The following OCA2 variants were observed in gnomAD, a reference collection of about 807,000 sequenced individuals.
OCA2 encodes the protein P protein.
In OCA2, 77 loss-of-function variants were observed where a neutral mutation model predicts 100.2. That is an observed-to-expected ratio of 0.77 (90% CI 0.64 to 0.93). OCA2 has a LOEUF of 0.93. Among genes scored for constraint, OCA2 ranks in the 40% least tolerant of loss-of-function variants. The probability of loss-of-function intolerance (pLI) is 0.00; values close to 1 mark genes in which losing one functional copy is unlikely to be tolerated. For missense variants in OCA2, 1,062 were observed against 1,089.1 expected (o/e 0.98, Z 0.35); for synonymous variants, 432 against 439.2 (o/e 0.98, Z 0.21).
intron 23 of OCA2, among the ~76,000 whole-genome samples, chr15:27,798,716 T>C (rs932463765): frequency 5.9e-5 from 9 of 152,186 alleles, no homozygotes; most frequent in African/African-American, 2.2e-4. Context: ...CGTTAATTAA[T>C]TATTACACAA....
chr15:27,841,589 C>T (rs915521041), intron 23 of OCA2, among the ~76,000 whole-genome samples: 3 of 152,112 alleles, frequency 2.0e-5, no homozygotes, highest in African/African-American at 7.2e-5. Context: ...TCCATTTTGA[C>T]TATAGAATAT....
At chr15:28,084,720 G>C (rs1003097273) in intron 1 of OCA2, among the ~76,000 whole-genome samples, 1 of 152,144 alleles carries the variant, frequency 6.6e-6, no homozygotes, top group African/African-American at 2.4e-5. Flanking sequence ...GCATGACTCA[G>C]GGCTGCAGCT....
chr15:27,845,047 C>T lies in OCA2; in HGVS notation c.2344G>A (p.Gly782Arg), dbSNP rs797045839. The stretch of plus-strand genomic sequence containing the variant: ...TTTGCCGACGCGCCAATCAGTGTCC[C>T]GTTACCTAAAGTCAAAATTTAAAAA... Reference protein sequence around the residue: ...LAFGACLGGNGTLIGASANVV... With the variant: ...LAFGACLGGNRTLIGASANVV... Residue 782 changes from glycine to arginine, a missense_variant, in exon 23 of 24, where the codon GGG becomes AGG. Coordinates refer to ENST00000354638, the MANE Select transcript of OCA2 (RefSeq NM_000275.3). The T allele has an allele frequency of 2.5e-6, 4 of 1,613,218 alleles. No homozygotes were observed. The African/African-American group carries it at 4.0e-5, about 16-fold the overall frequency.
At chr15:27,828,785 G>GGGTCTGGGAGCTCCTGAAGGGTC (rs2034831409) in intron 23 of OCA2, among the ~76,000 whole-genome samples, 1 of 152,176 alleles carries the variant, frequency 6.6e-6, no homozygotes, top group African/African-American at 2.4e-5. Flanking sequence ...GCAAGTGATA[G>GGGTCTGGGAGCTCCTGAAGGGTC]GGTCTGGGAG....
At chr15:27,777,307 C>T (rs930196289) in intron 23 of OCA2, among the ~76,000 whole-genome samples, 4 of 152,084 alleles carry the variant, frequency 2.6e-5, no homozygotes, top group East Asian at 3.9e-4. Context: ...CAGAAAAAAA[C>T]GCTAGAGCAA....
intron 23 of OCA2, among the ~76,000 whole-genome samples, chr15:27,823,539 G>A (rs527287850): frequency 6.6e-6 from 1 of 152,180 alleles, no homozygotes; most frequent in African/African-American, 2.4e-5. Flanking sequence ...AAAACAACCA[G>A]CTGACACAGG....
intron 4 of OCA2, among the ~76,000 whole-genome samples, 160 bp from the exon 5 acceptor site, chr15:28,025,062 A>G (rs1378203331): frequency 6.6e-6 from 1 of 152,204 alleles, no homozygotes; most frequent in Non-Finnish European, 1.5e-5. Context: ...ATCAGTGACC[A>G]GTAAACCCAC....
intron 9 of OCA2, among the ~76,000 whole-genome samples, chr15:28,006,604 T>C (rs1013146198): frequency 6.6e-6 from 1 of 152,200 alleles, no homozygotes; most frequent in African/African-American, 2.4e-5. Context: ...TATTACATAA[T>C]CCACCAGTTT....
chr15:27,871,804 T>C, intron 20 of OCA2, 59 bp downstream of exon 20: 2 of 1,248,030 alleles, frequency 1.6e-6, no homozygotes. Flanking sequence ...TTTTTTAATT[T>C]TTTTCACAAA....
chr15:28,052,939 C>G (rs2043561545), intron 2 of OCA2, among the ~76,000 whole-genome samples: 2 of 152,096 alleles, frequency 1.3e-5, no homozygotes. Flanking sequence ...AAGGTGAAGA[C>G]CGTAGAAGCA....
intron 5 of OCA2, 118 bp from the exon 6 acceptor site, chr15:28,022,691 C>T (rs938497916): frequency 7.9e-5 from 59 of 746,828 alleles, no homozygotes; most frequent in Middle Eastern, 4.5e-4. Flanking sequence ...GCATCCAGTA[C>T]GCGCCAGCTT....
chr15:27,725,319 A>G, the OCA2 span, among the ~76,000 whole-genome samples: 13,757 of 152,200 alleles, frequency 0.09, 2,139 homozygotes, highest in African/African-American at 0.31. Context: ...GCTCACGCCT[A>G]TAATCCCAGC....
intron 23 of OCA2, among the ~76,000 whole-genome samples, chr15:27,830,443 TTAAAA>T (rs1159868742): frequency 4.6e-5 from 7 of 152,244 alleles, no homozygotes; most frequent in Non-Finnish European, 5.9e-5. Context: ...AATTAAATAC[TTAAAA>T]TAATAGGATA....
At chr15:27,924,015 A>C (rs1227165092) in intron 19 of OCA2, among the ~76,000 whole-genome samples, 1 of 152,154 alleles carries the variant, frequency 6.6e-6, no homozygotes, top group Non-Finnish European at 1.5e-5. Context: ...TCTTTAATCC[A>C]ACTTGAGTTG....
intron 23 of OCA2, among the ~76,000 whole-genome samples, chr15:27,809,964 A>G (rs372220713): frequency 1.3e-5 from 2 of 152,240 alleles, no homozygotes; most frequent in South Asian, 4.1e-4. Context: ...TACAGATTCA[A>G]TGAAATTCCC....
At chr15:27,764,599 T>A (rs2031107604) in intron 23 of OCA2, among the ~76,000 whole-genome samples, 1 of 152,186 alleles carries the variant, frequency 6.6e-6, no homozygotes, top group Non-Finnish European at 1.5e-5. Context: ...ATGCATTTGC[T>A]TGCTGTCTAC....
intron 23 of OCA2, among the ~76,000 whole-genome samples, chr15:27,818,351 C>T (rs1199687884): frequency 1.3e-5 from 2 of 152,062 alleles, no homozygotes; most frequent in Admixed American, 6.6e-5. Flanking sequence ...ATCACACCAC[C>T]GCACTCCAGC....
intron 1 of OCA2, among the ~76,000 whole-genome samples, chr15:28,096,066 C>T (rs1876636359): frequency 6.6e-6 from 1 of 152,074 alleles, no homozygotes; most frequent in Non-Finnish European, 1.5e-5. Context: ...GCCCTTCTCT[C>T]CGGGGGCCTG....
At chr15:28,018,097 CAA>C (rs368311380) in intron 7 of OCA2, among the ~76,000 whole-genome samples, 176 of 114,702 alleles carry the variant, frequency 1.5e-3, no homozygotes, top group Admixed American at 1.3e-3. Context: ...TCAACGACAC[CAA>C]AAAAAAAAAA....
Sources: gnomAD v4.1 joint callset for allele counts (sites outside exome capture counted in the v4.1 genomes callset) on GRCh38, gnomAD v4.1.1 for gene constraint, MANE v1.5 for transcripts, NCBI Gene and HGNC (gene_info 2026-07-23, HGNC 2026-07-21) for gene names.